Variants in CRACDL observed in about 807,000 individuals in gnomAD.
CRACDL encodes CRACD-like protein.
A neutral mutation model predicts 70.6 loss-of-function variants in CRACDL; 26 were observed. The observed-to-expected ratio is 0.37, with a 90% CI of 0.27 to 0.51. The LOEUF is 0.51. Among genes scored for constraint, CRACDL ranks in the 20% least tolerant of loss-of-function variants. The probability of loss-of-function intolerance (pLI) is 0.94; values close to 1 mark genes in which losing one functional copy is unlikely to be tolerated. For synonymous variants in CRACDL, 618 were observed against 615.2 expected, an observed-to-expected ratio of 1.00 and a Z score of -0.07; for missense variants, 1,283 against 1,376.9, an observed-to-expected ratio of 0.93 and a Z score of 1.08.
chr2:98,898,627 G>T (rs1380510473), intron 1 of CRACDL, among the ~76,000 whole-genome samples: 1 of 152,192 alleles, frequency 6.6e-6, no homozygotes, highest in African/African-American at 2.4e-5. Context: ...ATCTGCCTGT[G>T]GCTCCCACAT....
chr2:98,870,347 T>C (rs1338872558), intron 1 of CRACDL, among the ~76,000 whole-genome samples: 1 of 152,242 alleles, frequency 6.6e-6, no homozygotes, highest in Non-Finnish European at 1.5e-5. Context: ...AGAATTCTAC[T>C]CAAATGGCCT....
intron 7 of CRACDL, among the ~76,000 whole-genome samples, chr2:98,820,729 G>A (rs1414823959): frequency 6.6e-6 from 1 of 152,166 alleles, no homozygotes; most frequent in Non-Finnish European, 1.5e-5. Context: ...ATATTCTTAC[G>A]TTCTGCCTCA....
At chr2:98,799,007 A>C (rs1265353964) in intron 7 of CRACDL, among the ~76,000 whole-genome samples, 2 of 152,150 alleles carry the variant, frequency 1.3e-5, no homozygotes, top group African/African-American at 4.8e-5. Context: ...TTACAGGTAC[A>C]TCAAAAGCAT....
intron 6 of CRACDL, among the ~76,000 whole-genome samples, chr2:98,824,414 C>G (rs145924717): frequency 1.8e-3 from 268 of 152,118 alleles, no homozygotes; most frequent in Middle Eastern, 6.8e-3. Flanking sequence ...GCTTGGCAAA[C>G]ATACAGTGCC....
chr2:98,838,163 G>C lies in CRACDL; in HGVS notation c.195C>G (p.Ala65=). 1 of 1,613,646 alleles carries C rather than the reference G, an allele frequency of 6.2e-7. No homozygotes were observed. The highest frequency in any genetic ancestry group is 8.5e-7 in the Non-Finnish European group (1 of 1,179,834). The stretch of plus-strand genomic sequence containing the variant: ...CGTAGCCCACTGGCCCGGATTCGAT[G>C]GCAATGACCTCATTCCTCGTCTGAC... The part of the protein sequence containing the change: ...KQSQTRNEVI[A]IESGPVGYDS... The change falls in exon 3 of 10, where the codon GCC becomes GCG. Residue 65 remains alanine, a synonymous_variant. Coordinates refer to ENST00000397899, the MANE Select transcript of CRACDL (RefSeq NM_207362.3).
chr2:98,854,279 CAAAAAAAAAA>C (rs1229198569), intron 1 of CRACDL, among the ~76,000 whole-genome samples: 4 of 54,194 alleles, frequency 7.4e-5, no homozygotes, highest in African/African-American at 2.6e-4. Context: ...GACTCTGTCT[CAAAAAAAAAA>C]AAAAAAAAAA....
chr2:98,828,363 T>C (rs371345227), intron 5 of CRACDL, among the ~76,000 whole-genome samples: 4 of 152,352 alleles, frequency 2.6e-5, no homozygotes, highest in African/African-American at 9.6e-5. Context: ...GTGTCAAGTT[T>C]CCATTTAACT....
At chr2:98,925,413 A>AATCCCTGCAT (rs1246966957) in intron 1 of CRACDL, among the ~76,000 whole-genome samples, 4 of 152,228 alleles carry the variant, frequency 2.6e-5, no homozygotes, top group Non-Finnish European at 5.9e-5. Flanking sequence ...CCTGGGTTCA[A>AATCCCTGCAT]ATCCCTGCAT....
intron 7 of CRACDL, among the ~76,000 whole-genome samples, chr2:98,819,814 T>C (rs1704946573): frequency 7.2e-6 from 1 of 138,788 alleles, no homozygotes; most frequent in African/African-American, 2.9e-5. Flanking sequence ...CCTGAAACAT[T>C]CTTTTTTTTT....
intron 1 of CRACDL, among the ~76,000 whole-genome samples, chr2:98,858,904 T>C (rs1553393870): frequency 1.3e-5 from 2 of 152,090 alleles, no homozygotes; most frequent in Non-Finnish European, 2.9e-5. Context: ...AATAGACAAA[T>C]TCCTAGAAAG....
rs527840296 is a variant in CRACDL, at chr2:98,895,902, G to A, written c.-11+40036C>T. Among the ~76,000 whole-genome samples, 22 of 152,216 alleles carry A rather than the reference G, an allele frequency of 1.4e-4. No homozygotes were observed. The South Asian group carries it at 2.1e-3, about 14-fold the overall frequency. On this transcript the variant is annotated intron_variant, in intron 1 of 9. Coordinates refer to ENST00000397899, the MANE Select transcript of CRACDL (RefSeq NM_207362.3). ...AGATAAAAGAGAACCCAGAGAGCTC[G>A]CTTGCCCCTTCCACCATGAGAGGAC...
In CRACDL at chr2:98,893,358, A is replaced by G. The variant is rs143720147; in HGVS notation, c.-11+42580T>C. Among the ~76,000 whole-genome samples, 395 of 152,062 alleles carry G rather than the reference A, an allele frequency of 2.6e-3. 1 individual carries two copies. Among genetic ancestry groups the G allele is most frequent in the African/African-American group, 9.0e-3 (374 of 41,470 alleles). Reference sequence around the variant, plus strand: ...GAGTGCAGTGATGCGATCTCAGTTCACTACAAGCTCCGTCTCCTGGGTTCA... The same window carrying G: ...GAGTGCAGTGATGCGATCTCAGTTCGCTACAAGCTCCGTCTCCTGGGTTCA... On this transcript the variant is annotated intron_variant, in intron 1 of 9. Coordinates refer to ENST00000397899, the MANE Select transcript of CRACDL (RefSeq NM_207362.3).
chr2:98,818,572 C>G (rs529903566), intron 7 of CRACDL, among the ~76,000 whole-genome samples: 3 of 152,332 alleles, frequency 2.0e-5, no homozygotes, highest in African/African-American at 7.2e-5. Context: ...GCCACCACAA[C>G]AGCAAATATT....
At chr2:98,904,377 G>C (rs1033486678) in intron 1 of CRACDL, among the ~76,000 whole-genome samples, 4 of 152,190 alleles carry the variant, frequency 2.6e-5, no homozygotes, top group Admixed American at 2.0e-4. Context: ...TCTCTCCATG[G>C]GAGCCCTCCA....
At chr2:98,857,488 C>T (rs1339085092) in intron 1 of CRACDL, among the ~76,000 whole-genome samples, 1 of 151,948 alleles carries the variant, frequency 6.6e-6, no homozygotes, top group Admixed American at 6.6e-5. Context: ...TAGTATAAAT[C>T]TTAAATTGAT....
chr2:98,804,522 C>T (rs141993814), intron 7 of CRACDL, among the ~76,000 whole-genome samples: 1 of 152,294 alleles, frequency 6.6e-6, no homozygotes, highest in East Asian at 1.9e-4. Flanking sequence ...TGTTTTAGCT[C>T]TTACACCGTA....
chr2:98,916,547 T>C (rs1230739584), intron 1 of CRACDL, among the ~76,000 whole-genome samples: 1 of 152,132 alleles, frequency 6.6e-6, no homozygotes, highest in Non-Finnish European at 1.5e-5. Flanking sequence ...TAGAAAGATA[T>C]GAAATCTCCC....
Position 98,822,317 on chromosome 2 carries a change from C to G in CRACDL, c.1956G>C (p.Lys652Asn). 4.1e-6 allele frequency: 6 copies of G among 1,475,288 alleles called. No individual in the cohort carries two copies. The highest frequency in any genetic ancestry group is 4.4e-6 in the Non-Finnish European group (5 of 1,124,670). The allele number at this position is 1,475,288 out of a possible 1,614,324, so 91.4% of individuals were successfully genotyped here. A position where few individuals can be genotyped will look rare whatever the true frequency, so the allele number is the denominator to read the frequency against. Residue 652 changes from lysine (K) to asparagine (N), a missense_variant, in exon 7 of 10, where the codon AAG (lysine) becomes AAC (asparagine). Transcript: ENST00000397899. The surrounding 1 kb of genome is among the most constrained non-coding windows in gnomAD (Gnocchi z 4.9). ...GCGCGGCGGCCGCCTCCTGAGGGCTCTTGCGCGGCCCGGCCGGGCTGGCCG... is the reference window on the plus strand; with the variant it reads ...GCGCGGCGGCCGCCTCCTGAGGGCTGTTGCGCGGCCCGGCCGGGCTGGCCG... ...DRAASPAGPR[K>N]SPQEAAAAPG...
chr2:98,861,289 G>A (rs549462672), intron 1 of CRACDL, among the ~76,000 whole-genome samples: 1 of 152,310 alleles, frequency 6.6e-6, no homozygotes, highest in South Asian at 2.1e-4. Context: ...GGAGGTTGCA[G>A]TGAGCTGAGA....
Sources: allele counts gnomAD v4.1 joint callset (sites outside exome capture counted in the v4.1 genomes callset), GRCh38; gene constraint gnomAD v4.1.1; non-coding constraint Gnocchi (gnomAD v3.1); transcripts MANE v1.5; gene names NCBI Gene and HGNC (gene_info 2026-07-23, HGNC 2026-07-21).